The following RHOBTB1 variants were observed in gnomAD, a reference collection of about 807,000 sequenced individuals.
The protein encoded by RHOBTB1 is rho-related BTB domain-containing protein 1.
Under a neutral mutation model 71.6 loss-of-function variants are expected in RHOBTB1, and 40 were observed. The ratio of observed to expected loss-of-function variants is 0.56; its 90% CI spans 0.43 to 0.73. The LOEUF is 0.73. Ranked by LOEUF, RHOBTB1 falls within the 30% of genes least tolerant of loss-of-function variation. The pLI is 0.00. For missense variants in RHOBTB1, 797 were observed against 894.0 expected (o/e 0.89, Z 1.38); for synonymous variants, 319 against 334.9 (o/e 0.95, Z 0.52).
intron 9 of RHOBTB1, among the ~76,000 whole-genome samples, chr10:60,872,784 C>G (rs2080862078): frequency 6.6e-6 from 1 of 152,180 alleles, no homozygotes; most frequent in Admixed American, 6.5e-5. Flanking sequence ...ATAAGAAGAG[C>G]AGGCGGTATG....
At chr10:60,892,783 A>C in intron 5 of RHOBTB1, 27 bp downstream of exon 5, 3 of 1,598,166 alleles carry the variant, frequency 1.9e-6, no homozygotes, top group Non-Finnish European at 2.6e-6. Flanking sequence ...TGGTCAGGAC[A>C]GGGAAACACT....
chr10:60,888,634 T>G lies in RHOBTB1; in HGVS notation c.1034A>C (p.Gln345Pro). 1 of 1,614,232 alleles carries G rather than the reference T, an allele frequency of 6.2e-7. No individual in the cohort carries two copies. Among genetic ancestry groups the G allele is most frequent in the Non-Finnish European group, 8.5e-7 (1 of 1,180,036 alleles). The change falls in exon 6 of 11, where the codon CAG becomes CCG. Residue 345 changes from glutamine (Q) to proline (P), a missense_variant. By Grantham distance (76) the Gln-to-Pro change is moderately conservative. Transcript: ENST00000337910. ...CAGGCTCTTGTTTGAAGACTTCCAC[T>G]GGTCGGCCTGAGGAATCCTAGGCGG... ...EGPPRIPQAD[Q>P]WKSSNKSLVE...
intron 9 of RHOBTB1, 59 bp downstream of exon 9, chr10:60,874,895 T>A: frequency 8.7e-7 from 1 of 1,149,044 alleles, no homozygotes; most frequent in South Asian, 1.2e-5. Flanking sequence ...GAATGTTTTA[T>A]CAGCATTAAA....
intron 5 of RHOBTB1, among the ~76,000 whole-genome samples, chr10:60,891,232 C>T (rs549711060): frequency 6.6e-6 from 1 of 151,176 alleles, no homozygotes; most frequent in Non-Finnish European, 1.5e-5. Context: ...GTACCATTTA[C>T]TATTGCTTGG....
chr10:60,919,333 G>C (rs903021678), intron 2 of RHOBTB1, among the ~76,000 whole-genome samples: 11 of 103,766 alleles, frequency 1.1e-4, no homozygotes, highest in Non-Finnish European at 1.8e-4. Flanking sequence ...TTATTGACAG[G>C]AAAAAAGGAA....
At chr10:60,971,871 C>T (rs543369668) in intron 2 of RHOBTB1, among the ~76,000 whole-genome samples, 1 of 151,900 alleles carries the variant, frequency 6.6e-6, no homozygotes, top group Non-Finnish European at 1.5e-5. Flanking sequence ...CCATCAAAAA[C>T]TGGGAAAAGG....
chr10:60,886,719 G>C (rs952360549), intron 6 of RHOBTB1, among the ~76,000 whole-genome samples: 5 of 140,494 alleles, frequency 3.6e-5, no homozygotes, highest in East Asian at 5.2e-4. Flanking sequence ...AAGAGATGTG[G>C]GGGGGGGTGG....
At chr10:60,949,379 G>C (rs75565632) in intron 2 of RHOBTB1, among the ~76,000 whole-genome samples, 2 of 152,162 alleles carry the variant, frequency 1.3e-5, no homozygotes, top group Admixed American at 1.3e-4. Flanking sequence ...CTGTGTGTTC[G>C]TAGTTTTTGC....
At chr10:60,865,597 C>T (rs1250714936), downstream of RHOBTB1, among the ~76,000 whole-genome samples, 1 of 152,212 alleles carries the variant, frequency 6.6e-6, no homozygotes, top group Non-Finnish European at 1.5e-5. Flanking sequence ...ACAACTTTCA[C>T]AATCAGGGAA....
At chr10:60,999,496 G>A (rs2087181728) in intron 1 of RHOBTB1, among the ~76,000 whole-genome samples, 1 of 152,206 alleles carries the variant, frequency 6.6e-6, no homozygotes, top group Non-Finnish European at 1.5e-5. Context: ...AGAGAAAAAT[G>A]TTAATATGCC....
intron 4 of RHOBTB1, among the ~76,000 whole-genome samples, chr10:60,909,964 G>A (rs906861874): frequency 2.0e-5 from 3 of 152,182 alleles, no homozygotes; most frequent in Non-Finnish European, 4.4e-5. Context: ...CTACTGGCTT[G>A]TAGAAATAGA....
intron 4 of RHOBTB1, among the ~76,000 whole-genome samples, chr10:60,897,963 C>T (rs1564857667): frequency 6.6e-6 from 1 of 152,138 alleles, no homozygotes; most frequent in East Asian, 1.9e-4. Context: ...CTCGGCTTTG[C>T]AAAGAGCTGG....
chr10:60,996,658 C>T (rs2087063108), intron 1 of RHOBTB1, among the ~76,000 whole-genome samples: 1 of 152,190 alleles, frequency 6.6e-6, no homozygotes, highest in Non-Finnish European at 1.5e-5. Flanking sequence ...TTATCAATTT[C>T]ATTAAGCTTA....
At chr10:60,940,930 C>T (rs2084870464) in intron 2 of RHOBTB1, among the ~76,000 whole-genome samples, 1 of 152,156 alleles carries the variant, frequency 6.6e-6, no homozygotes, top group Non-Finnish European at 1.5e-5. Flanking sequence ...TAACATCTTG[C>T]CTTTTAAATC....
At chr10:60,985,013 T>C (rs2086615772) in intron 2 of RHOBTB1, among the ~76,000 whole-genome samples, 2 of 152,214 alleles carry the variant, frequency 1.3e-5, no homozygotes, top group African/African-American at 2.4e-5. Context: ...TTAAAGATAA[T>C]AAAAGCCACA....
chr10:60,900,912 C>G (rs75550065), intron 4 of RHOBTB1, among the ~76,000 whole-genome samples: 4,374 of 152,146 alleles, frequency 0.029, 120 homozygotes, highest in African/African-American at 0.073. Context: ...TCTCTTTACC[C>G]CATGTAATTG....
chr10:60,920,962 T>G (rs900177685), intron 2 of RHOBTB1, among the ~76,000 whole-genome samples: 3 of 151,612 alleles, frequency 2.0e-5, no homozygotes, highest in Non-Finnish European at 2.9e-5. Flanking sequence ...TTTGTTTTTT[T>G]TTTTTTATGA....
intron 4 of RHOBTB1, among the ~76,000 whole-genome samples, chr10:60,909,573 C>G (rs1214620196): frequency 6.6e-6 from 1 of 152,130 alleles, no homozygotes; most frequent in East Asian, 1.9e-4. Flanking sequence ...GTGTTACAAA[C>G]CTGACTGCCC....
At chr10:60,948,819 T>C (rs73266059), upstream of RHOBTB1, among the ~76,000 whole-genome samples, 3,021 of 152,344 alleles carry the variant, frequency 0.02, 71 homozygotes, top group African/African-American at 0.054. Flanking sequence ...TCTGGCTTCC[T>C]AAAGAGGAAG....
Sources: allele counts gnomAD v4.1 joint callset (sites outside exome capture counted in the v4.1 genomes callset), GRCh38; gene constraint gnomAD v4.1.1; transcripts MANE v1.5; gene names NCBI Gene and HGNC (gene_info 2026-07-23, HGNC 2026-07-21).